Variants in FAM89A observed in about 807,000 individuals in gnomAD.
FAM89A encodes the protein family with sequence similarity 89 member A.
FAM89A carries 10 observed loss-of-function variants against 7.1 expected under a neutral mutation model. The ratio of observed to expected loss-of-function variants is 1.40; its 90% CI spans 0.86 to 2.38. The LOEUF (loss-of-function observed/expected upper bound fraction) is 2.38, where lower values mean the gene tolerates loss of function less well. Ranked by LOEUF, FAM89A falls within the 30% of genes most tolerant of loss-of-function variation. The probability of loss-of-function intolerance (pLI) is 0.00; values close to 1 mark genes in which losing one functional copy is unlikely to be tolerated. For missense variants in FAM89A, 276 were observed against 262.8 expected, an observed-to-expected ratio of 1.05 and a Z score of -0.35; for synonymous variants, 157 against 129.3, an observed-to-expected ratio of 1.21 and a Z score of -1.45.
In FAM89A at chr1:231,019,751, G is replaced by T. The variant is rs1679836513; in HGVS notation, c.*112C>A. ...ATGAAACTGGTAGCGCTCATCCCCTGTGCCCGAGGACCGTCCACAACGGAG... is the reference window on the plus strand; with the variant it reads ...ATGAAACTGGTAGCGCTCATCCCCTTTGCCCGAGGACCGTCCACAACGGAG... On this transcript the variant is annotated 3_prime_UTR_variant, in exon 2 of 2. Coordinates refer to ENST00000366654, the MANE Select transcript of FAM89A (RefSeq NM_198552.3). The T allele has an allele frequency of 3.3e-6, 4 of 1,216,782 alleles. No homozygotes were observed. The highest frequency in any genetic ancestry group is 4.6e-6 in the Non-Finnish European group (4 of 875,942). 75.4% of individuals were successfully genotyped at this position (1,216,782 alleles called of 1,614,324 possible). A position where few individuals can be genotyped will look rare whatever the true frequency, so the allele number is the denominator to read the frequency against.
At chr1:231,034,390 C>G (rs1251559503) in intron 1 of FAM89A, among the ~76,000 whole-genome samples, 1 of 152,176 alleles carries the variant, frequency 6.6e-6, no homozygotes, top group East Asian at 1.9e-4. Context: ...AGTGGCTTGT[C>G]AGAACTGTAT....
At chr1:231,039,778 G>C (rs1292214058) in intron 1 of FAM89A, 143 bp downstream of exon 1, 2 of 831,440 alleles carry the variant, frequency 2.4e-6, no homozygotes, top group Non-Finnish European at 3.2e-6. Flanking sequence ...GGGTCGTTGG[G>C]AGGACGGCGC....
Position 231,040,187 on chromosome 1 carries a change from C to T in FAM89A, c.25G>A (p.Gly9Arg). Residue 9 changes from glycine to arginine, a missense_variant, in exon 1 of 2, where the codon GGG (glycine) becomes AGG (arginine). By Grantham distance (125) the Gly-to-Arg change is moderately radical (BLOSUM62 -2). Transcript: ENST00000366654. ...CGGACCGCGCCGTTGCCCGCGGCCC[C>T]GGGCGCCGCCCGGGCCCCACTCATC... MSGARAAP[G>R]AAGNGAVRGL... 8.9e-7 allele frequency: 1 copy of T among 1,118,390 alleles called. No individual in the cohort carries two copies. Among genetic ancestry groups the T allele is most frequent in the Non-Finnish European group, 1.1e-6 (1 of 918,576 alleles). The allele number at this position is 1,118,390 out of a possible 1,614,324, so 69.3% of individuals were successfully genotyped here.
intron 1 of FAM89A, among the ~76,000 whole-genome samples, chr1:231,024,990 T>C (rs554874170): frequency 1.4e-5 from 2 of 142,122 alleles, no homozygotes; most frequent in South Asian, 4.8e-4. Flanking sequence ...TGGTGTAATC[T>C]CGGCTCACTG....
At chr1:231,025,164 C>T (rs1679946266) in intron 1 of FAM89A, among the ~76,000 whole-genome samples, 2 of 150,656 alleles carry the variant, frequency 1.3e-5, no homozygotes, top group African/African-American at 2.4e-5. Context: ...CCTTGTGATC[C>T]ACCCGCCTCG....
rs772422568 is a variant in FAM89A, at chr1:231,019,886, C to T, written c.532G>A (p.Asp178Asn). 1.8e-5 allele frequency: 29 copies of T among 1,613,962 alleles called. No individual in the cohort carries two copies. Among genetic ancestry groups the T allele is most frequent in the Middle Eastern group, 1.7e-4 (1 of 6,058 alleles). ...CTCTAGATGGACTCCAGAATCCAGT[C>T]GCTGCTGGAGAGGGAGGAGACAGGC... ...SLPVSSLSSSDWILESI is the reference protein window; with the variant it reads ...SLPVSSLSSSNWILESI The change falls in exon 2 of 2, where the codon GAC becomes AAC. Residue 178 changes from aspartate to asparagine, a missense_variant. Physicochemically the swap from Asp to Asn is conservative, Grantham distance 23 (BLOSUM62 1). Transcript: ENST00000366654.
At chr1:231,027,167 G>A (rs745366269) in intron 1 of FAM89A, among the ~76,000 whole-genome samples, 1 of 152,102 alleles carries the variant, frequency 6.6e-6, no homozygotes, top group Non-Finnish European at 1.5e-5. Flanking sequence ...AGCCAGACAC[G>A]TGGCTCCAGG....
chr1:231,022,773 T>C lies in FAM89A; in HGVS notation c.292-2647A>G, dbSNP rs372412955. Among the ~76,000 whole-genome samples the C allele has an allele frequency of 3.3e-5, 5 of 152,306 alleles. No homozygotes were observed. The South Asian group carries it at 8.3e-4, about 25-fold the overall frequency. The stretch of plus-strand genomic sequence containing the variant: ...AGCTCTGCAGGGCAATCCCGTTTCC[T>C]AAGAATGAAAAAGTGCAATAAAGGC... On this transcript the variant is annotated intron_variant, in intron 1 of 1. Coordinates refer to ENST00000366654, the MANE Select transcript of FAM89A (RefSeq NM_198552.3).
At chr1:231,022,776 G>T (rs969530591) in intron 1 of FAM89A, among the ~76,000 whole-genome samples, 2 of 152,140 alleles carry the variant, frequency 1.3e-5, no homozygotes, top group African/African-American at 4.8e-5. Flanking sequence ...CGTTTCCTAA[G>T]AATGAAAAAG....
intron 1 of FAM89A, among the ~76,000 whole-genome samples, chr1:231,034,677 C>G (rs570184943): frequency 3.4e-5 from 5 of 148,186 alleles, no homozygotes; most frequent in African/African-American, 1.2e-4. Context: ...GAGGCTGAGG[C>G]AGGAGAATCA....
intron 1 of FAM89A, among the ~76,000 whole-genome samples, chr1:231,031,106 T>C (rs1330138516): frequency 8.4e-6 from 1 of 119,272 alleles, no homozygotes; most frequent in African/African-American, 2.8e-5. Context: ...TGAGACTCTG[T>C]CTCAATAATA....
rs1274355266 is a variant in FAM89A at position 231,021,778 on chromosome 1, T to C, written c.292-1652A>G. 7 of 1,602,758 alleles carry C rather than the reference T, an allele frequency of 4.4e-6. No homozygotes were observed. The African/African-American group carries it at 6.7e-5, about 15-fold the overall frequency. ...ACCTCACTTGTGAATCTTTAGAGCC[T>C]GTGGTGGTTGATCTGACTCACAATG... is the stretch of plus-strand genomic sequence containing the variant. On this transcript the variant is annotated intron_variant, in intron 1 of 1. Transcript: ENST00000366654.
At chr1:231,026,597 C>T (rs1028067568) in intron 1 of FAM89A, 1 of 152,242 alleles carries the variant, frequency 6.6e-6, no homozygotes, top group Non-Finnish European at 1.5e-5. Context: ...CTTTCCACCA[C>T]CCCATGCCCT....
intron 1 of FAM89A, chr1:231,025,887 T>C (rs1343617390): frequency 2.0e-5 from 3 of 152,122 alleles, no homozygotes; most frequent in African/African-American, 4.8e-5. Flanking sequence ...GACACAAATA[T>C]CTTTCTGATT....
chr1:231,027,334 T>C (rs1455726579), intron 1 of FAM89A, among the ~76,000 whole-genome samples: 1 of 152,174 alleles, frequency 6.6e-6, no homozygotes, highest in Non-Finnish European at 1.5e-5. Flanking sequence ...GGTGGAACAC[T>C]GGCCTAGAAA....
intron 1 of FAM89A, among the ~76,000 whole-genome samples, chr1:231,025,590 C>T (rs1351900830): frequency 1.3e-5 from 2 of 152,106 alleles, no homozygotes; most frequent in Non-Finnish European, 2.9e-5. Flanking sequence ...GCAGACACCA[C>T]TGCTTGCTCT....
At chr1:231,024,474 C>G (rs1313195034) in intron 1 of FAM89A, among the ~76,000 whole-genome samples, 1 of 150,344 alleles carries the variant, frequency 6.7e-6, no homozygotes, top group Admixed American at 6.7e-5. Flanking sequence ...TCTACTATGG[C>G]CTGAATAGAC....
At position 231,021,984 on chromosome 1, in the gene FAM89A, G is replaced by A. The variant is rs1003299197; in HGVS notation, c.292-1858C>T. 6.8e-6 allele frequency: 9 copies of A among 1,322,192 alleles called. No individual in the cohort carries two copies. In the African/African-American group the frequency reaches 1.3e-4, roughly 19 times the overall value. The allele number at this position is 1,322,192 out of a possible 1,614,324, so 81.9% of individuals were successfully genotyped here. ...AGGGATGAGGGCGCTATAGGCCTCA[G>A]GCCCTCGGGTACTGTCGGTTGTCCT... On this transcript the variant is annotated intron_variant, in intron 1 of 1. Coordinates refer to ENST00000366654, the MANE Select transcript of FAM89A (RefSeq NM_198552.3).
intron 1 of FAM89A, among the ~76,000 whole-genome samples, chr1:231,036,475 T>C (rs995804380): frequency 2.0e-5 from 3 of 152,186 alleles, no homozygotes; most frequent in Non-Finnish European, 4.4e-5. Context: ...GAGCAATAAC[T>C]ATCTGTGTGA....
Sources: allele counts gnomAD v4.1 joint callset (sites outside exome capture counted in the v4.1 genomes callset), GRCh38; gene constraint gnomAD v4.1.1; transcripts MANE v1.5; gene names NCBI Gene and HGNC (gene_info 2026-07-23, HGNC 2026-07-21).